TSNAX: variants seen among roughly 807,000 people sequenced by gnomAD.
TSNAX encodes translin associated factor X, also known as translin-associated protein X.
TSNAX carries 12 observed loss-of-function variants against 33.0 expected under a neutral mutation model. The observed-to-expected ratio is 0.36, with a 90% CI of 0.23 to 0.59. The LOEUF (loss-of-function observed/expected upper bound fraction) is 0.59. Among genes scored for constraint, TSNAX ranks in the 20% least tolerant of loss-of-function variants. The pLI, the probability that TSNAX is intolerant of heterozygous loss-of-function variation, is 0.74. For synonymous variants in TSNAX, 110 were observed against 117.2 expected, an observed-to-expected ratio of 0.94 and a Z score of 0.40; for missense variants, 267 against 341.3, an observed-to-expected ratio of 0.78 and a Z score of 1.72.
At chr1:231,557,105 G>A (rs1043791730) in intron 4 of TSNAX, among the ~76,000 whole-genome samples, 4 of 152,096 alleles carry the variant, frequency 2.6e-5, no homozygotes, top group African/African-American at 9.7e-5. Context: ...GGTTTGGAAG[G>A]AAGGTAGTGA....
At chr1:231,553,977 C>G (rs918636263) in intron 4 of TSNAX, among the ~76,000 whole-genome samples, 1 of 152,202 alleles carries the variant, frequency 6.6e-6, no homozygotes, top group Non-Finnish European at 1.5e-5. Context: ...TGAGCCACCA[C>G]GCCTGGCCCA....
intron 4 of TSNAX, 54 bp from the exon 5 acceptor site, chr1:231,561,074 C>T (rs1196188964): frequency 1.4e-5 from 22 of 1,557,480 alleles, no homozygotes; most frequent in South Asian, 1.3e-4. Flanking sequence ...TTTATTATGA[C>T]ATTCTTACTA....
intron 5 of TSNAX, 111 bp from the exon 6 acceptor site, chr1:231,564,413 TATTG>T: frequency 6.8e-7 from 1 of 1,480,346 alleles, no homozygotes; most frequent in Non-Finnish European, 8.9e-7. Context: ...ACTGATTTGC[TATTG>T]ATTTTGTACT....
At chr1:231,556,619 ATAT>A (rs1660713906) in intron 4 of TSNAX, among the ~76,000 whole-genome samples, 1 of 152,246 alleles carries the variant, frequency 6.6e-6, no homozygotes, top group South Asian at 2.1e-4. Context: ...GTTGAATTTA[ATAT>A]TATTCAAGGC....
At chr1:231,546,542 C>T (rs577365728) in intron 4 of TSNAX, among the ~76,000 whole-genome samples, 1 of 152,154 alleles carries the variant, frequency 6.6e-6, no homozygotes, top group East Asian at 1.9e-4. Context: ...TTTGGAGTAA[C>T]AGTAGGAAGA....
intron 3 of TSNAX, among the ~76,000 whole-genome samples, chr1:231,540,569 T>C (rs1659511949): frequency 6.6e-6 from 1 of 152,226 alleles, no homozygotes; most frequent in Admixed American, 6.5e-5. Flanking sequence ...GCCCAGGATA[T>C]GGTCTATCTG....
intron 4 of TSNAX, among the ~76,000 whole-genome samples, chr1:231,547,389 C>CTTTTTTTTTTTTTTTTTT (rs71179784): frequency 1.4e-3 from 144 of 104,672 alleles, no homozygotes; most frequent in Non-Finnish European, 1.8e-3. Context: ...TTTTTTTTTT[C>CTTTTTTTTTTTTTTTTTT]TTTTTTTTTT....
intron 4 of TSNAX, among the ~76,000 whole-genome samples, chr1:231,548,603 G>T (rs933191938): frequency 1.3e-5 from 2 of 152,220 alleles, no homozygotes; most frequent in Admixed American, 6.5e-5. Flanking sequence ...AAAGGGAATA[G>T]TCTAGGGATG....
At chr1:231,533,237 G>C (rs183908959) in intron 2 of TSNAX, among the ~76,000 whole-genome samples, 2 of 151,952 alleles carry the variant, frequency 1.3e-5, no homozygotes, top group African/African-American at 4.8e-5. Flanking sequence ...TAGCTGGGAC[G>C]ACAGGCCTGT....
intron 4 of TSNAX, among the ~76,000 whole-genome samples, chr1:231,551,489 AC>A (rs1660291419): frequency 6.6e-6 from 1 of 152,234 alleles, no homozygotes; most frequent in Admixed American, 6.5e-5. Context: ...GAAATTAAAT[AC>A]ATTTATGGAA....
intron 3 of TSNAX, among the ~76,000 whole-genome samples, 178 bp from the exon 4 acceptor site, chr1:231,542,303 T>C (rs1321349204): frequency 6.6e-6 from 1 of 152,386 alleles, no homozygotes; most frequent in East Asian, 1.9e-4. Context: ...CTTTTTTCAC[T>C]TAACAGTGTG....
At chr1:231,533,803 T>G (rs973692040) in intron 2 of TSNAX, among the ~76,000 whole-genome samples, 1 of 152,216 alleles carries the variant, frequency 6.6e-6, no homozygotes, top group Non-Finnish European at 1.5e-5. Flanking sequence ...AAGAACAAGT[T>G]GCATGCATCA....
chr1:231,550,620 A>G (rs1399855818), intron 4 of TSNAX, among the ~76,000 whole-genome samples: 1 of 152,224 alleles, frequency 6.6e-6, no homozygotes, highest in Non-Finnish European at 1.5e-5. Flanking sequence ...TAACCATCAC[A>G]GGACAGCAGG....
At chr1:231,556,228 T>C (rs1370176463) in intron 4 of TSNAX, among the ~76,000 whole-genome samples, 1 of 152,228 alleles carries the variant, frequency 6.6e-6, no homozygotes, top group Non-Finnish European at 1.5e-5. Context: ...TAAAAATAAT[T>C]TGTAATTAGT....
At chr1:231,530,341 G>T (rs1209987883) in intron 2 of TSNAX, among the ~76,000 whole-genome samples, 2 of 152,224 alleles carry the variant, frequency 1.3e-5, no homozygotes, top group African/African-American at 4.8e-5. Flanking sequence ...AGTATCTACT[G>T]TGATCGTCAG....
chr1:231,544,813 C>T (rs1248063394), intron 4 of TSNAX, among the ~76,000 whole-genome samples: 1 of 152,130 alleles, frequency 6.6e-6, no homozygotes, highest in African/African-American at 2.4e-5. Context: ...AGATTATTTC[C>T]TAATGCAGGA....
At position 231,566,148 on chromosome 1, in the gene TSNAX, A is replaced by C. The variant is rs569506822; in HGVS notation, c.*1243A>C. 18 of 152,758 alleles carry C rather than the reference A, an allele frequency of 1.2e-4. No homozygotes were observed. The highest frequency in any genetic ancestry group is 4.3e-4 in the African/African-American group (18 of 41,578). The allele number at this position is 152,758 out of a possible 1,614,324, so 9.5% of individuals were successfully genotyped here. A position where few individuals can be genotyped will look rare whatever the true frequency, so the allele number is the denominator to read the frequency against. Reference sequence around the variant, plus strand: ...CTAGCATTTACTTTTAAATAATTATAATGAAGTTTTGAAATACTAAGTTAA... The same window carrying C: ...CTAGCATTTACTTTTAAATAATTATCATGAAGTTTTGAAATACTAAGTTAA... On this transcript the variant is annotated 3_prime_UTR_variant, in exon 6 of 6. Transcript: ENST00000366639.
chr1:231,548,385 T>G (rs1390194491), intron 4 of TSNAX, among the ~76,000 whole-genome samples: 4 of 152,204 alleles, frequency 2.6e-5, no homozygotes, highest in Non-Finnish European at 5.9e-5. Context: ...GACTTAGCTT[T>G]AGAACCTAGG....
At chr1:231,547,995 C>G (rs1572126990) in intron 4 of TSNAX, among the ~76,000 whole-genome samples, 1 of 152,004 alleles carries the variant, frequency 6.6e-6, no homozygotes, top group Non-Finnish European at 1.5e-5. Context: ...CGTCCGCTAC[C>G]ACGCCCGGCT....
Sources: gnomAD v4.1 joint callset for allele counts (sites outside exome capture counted in the v4.1 genomes callset) on GRCh38, gnomAD v4.1.1 for gene constraint, MANE v1.5 for transcripts, NCBI Gene and HGNC (gene_info 2026-07-23, HGNC 2026-07-21) for gene names.